Variants in SMURF2 observed in about 807,000 individuals in gnomAD.
SMURF2 encodes E3 ubiquitin-protein ligase SMURF2.
SMURF2 carries 48 observed loss-of-function variants against 109.6 expected under a neutral mutation model. The observed-to-expected ratio is 0.44, with a 90% CI of 0.35 to 0.56. SMURF2 has a LOEUF of 0.56. SMURF2 is among the 20% of genes least tolerant of loss of function. The pLI is 0.01. For missense variants in SMURF2, 575 were observed against 909.0 expected, an observed-to-expected ratio of 0.63 and a Z score of 4.72; for synonymous variants, 288 against 317.1, an observed-to-expected ratio of 0.91 and a Z score of 0.97.
At chr17:64,609,198 A>G (rs954494368) in intron 1 of SMURF2, among the ~76,000 whole-genome samples, 1 of 152,220 alleles carries the variant, frequency 6.6e-6, no homozygotes. Context: ...CATACTGCCC[A>G]AAGTAATTTA....
At chr17:64,631,278 GGGGGAGAGAGAGAGAGAGAGAGA>G (rs1970338343) in intron 1 of SMURF2, among the ~76,000 whole-genome samples, 1 of 30,418 alleles carries the variant, frequency 3.3e-5, no homozygotes, top group East Asian at 9.4e-4. Flanking sequence ...GAGAGGGGGG[GGGGGAGAGAGAGAGAGAGAGAGA>G]GAGAGAGAGA....
intron 1 of SMURF2, among the ~76,000 whole-genome samples, chr17:64,644,430 G>GA (rs113026393): frequency 0.072 from 8,303 of 114,724 alleles, 327 homozygotes; most frequent in Admixed American, 0.17. Context: ...ACTAAAAATA[G>GA]AAAAAAAAAA....
At chr17:64,597,957 T>C (rs549095609) in intron 3 of SMURF2, among the ~76,000 whole-genome samples, 8 of 152,304 alleles carry the variant, frequency 5.3e-5, no homozygotes, top group Admixed American at 5.2e-4. Context: ...AAAAGCTTTA[T>C]TGTATCATTT....
intron 1 of SMURF2, among the ~76,000 whole-genome samples, chr17:64,634,214 A>G (rs1555691882): frequency 6.6e-6 from 1 of 152,186 alleles, no homozygotes; most frequent in Non-Finnish European, 1.5e-5. Context: ...TAAGTAATAC[A>G]AGGGGGCTGG....
intron 12 of SMURF2, 91 bp from the exon 13 acceptor site, chr17:64,557,813 T>A: frequency 3.0e-6 from 2 of 660,284 alleles, no homozygotes; most frequent in Non-Finnish European, 5.1e-6. Flanking sequence ...AGCAAATAAT[T>A]ATTTAAATTA....
At chr17:64,660,475 C>T (rs2144744510) in intron 1 of SMURF2, among the ~76,000 whole-genome samples, 1 of 152,304 alleles carries the variant, frequency 6.6e-6, no homozygotes, top group East Asian at 1.9e-4. Context: ...CTGCAATTTT[C>T]CCTAGGGAAA....
intron 10 of SMURF2, among the ~76,000 whole-genome samples, chr17:64,569,737 G>A (rs1369707677): frequency 2.0e-5 from 3 of 152,150 alleles, no homozygotes; most frequent in South Asian, 2.1e-4. Context: ...ATATATTGCC[G>A]GTAAAAGACT....
intron 1 of SMURF2, among the ~76,000 whole-genome samples, chr17:64,639,756 C>G (rs1970470100): frequency 6.6e-6 from 1 of 152,094 alleles, no homozygotes; most frequent in African/African-American, 2.4e-5. Context: ...AGACTATAAA[C>G]TCTAAGACTT....
At chr17:64,603,638 TG>T (rs1163974714) in intron 2 of SMURF2, among the ~76,000 whole-genome samples, 1 of 151,626 alleles carries the variant, frequency 6.6e-6, no homozygotes, top group Non-Finnish European at 1.5e-5. Flanking sequence ...ATAAAGTTAA[TG>T]GTAGAATCTA....
At chr17:64,596,887 C>G (rs184790346) in intron 3 of SMURF2, among the ~76,000 whole-genome samples, 4 of 152,130 alleles carry the variant, frequency 2.6e-5, no homozygotes, top group Non-Finnish European at 4.4e-5. Context: ...GATAACTAAA[C>G]AAATGGGAAA....
intron 1 of SMURF2, among the ~76,000 whole-genome samples, chr17:64,611,359 A>G (rs1280176221): frequency 6.6e-6 from 1 of 152,114 alleles, no homozygotes; most frequent in Non-Finnish European, 1.5e-5. Context: ...GGTTATGATG[A>G]TACCTAAATT....
chr17:64,634,480 C>G (rs1169228981), intron 1 of SMURF2, among the ~76,000 whole-genome samples: 1 of 152,176 alleles, frequency 6.6e-6, no homozygotes, highest in Non-Finnish European at 1.5e-5. Context: ...CTCAGAGATA[C>G]CTGGCACCTT....
At chr17:64,556,192 G>A (rs1156232590) in intron 13 of SMURF2, among the ~76,000 whole-genome samples, 194 bp from the exon 14 acceptor site, 3 of 152,154 alleles carry the variant, frequency 2.0e-5, no homozygotes, top group Admixed American at 2.0e-4. Context: ...ATATTACACA[G>A]GGTAATATGC....
At chr17:64,570,855 A>T (rs1489730385) in intron 10 of SMURF2, among the ~76,000 whole-genome samples, 1 of 152,116 alleles carries the variant, frequency 6.6e-6, no homozygotes, top group Admixed American at 6.5e-5. Flanking sequence ...ATCACAGCTC[A>T]CTGCAGCCAC....
rs1555683116 is a variant in SMURF2, at chr17:64,546,357, T to C, written c.2072-19A>G. On this transcript the variant is annotated intron_variant, in intron 17 of 18. Coordinates refer to ENST00000262435, the MANE Select transcript of SMURF2 (RefSeq NM_022739.4). ...GCAGCACCTGCAAATGAAGGAAATGTGGATGAAATCACTGCAGGTGCGTGC... is the reference window on the plus strand; with the variant it reads ...GCAGCACCTGCAAATGAAGGAAATGCGGATGAAATCACTGCAGGTGCGTGC... 2 of 1,611,882 alleles carry C rather than the reference T, an allele frequency of 1.2e-6. No individual in the cohort carries two copies. Among genetic ancestry groups the C allele is most frequent in the Non-Finnish European group, 8.5e-7 (1 of 1,178,286 alleles).
At chr17:64,617,644 C>T (rs1439325045) in intron 1 of SMURF2, among the ~76,000 whole-genome samples, 1 of 152,140 alleles carries the variant, frequency 6.6e-6, no homozygotes, top group Non-Finnish European at 1.5e-5. Flanking sequence ...CACCACCATG[C>T]CTTGCTAATG....
chr17:64,631,281 G>GGAGAGAGAGA (rs1468147317), intron 1 of SMURF2, among the ~76,000 whole-genome samples: 1 of 4,412 alleles, frequency 2.3e-4, no homozygotes, highest in African/African-American at 7.2e-4. Flanking sequence ...AGGGGGGGGG[G>GGAGAGAGAGA]GAGAGAGAGA....
At chr17:64,632,577 T>C (rs2144711441) in intron 1 of SMURF2, among the ~76,000 whole-genome samples, 1 of 152,362 alleles carries the variant, frequency 6.6e-6, no homozygotes, top group South Asian at 2.1e-4. Context: ...GTCAGCCTAT[T>C]TGACCTAAAA....
intron 1 of SMURF2, among the ~76,000 whole-genome samples, chr17:64,660,095 T>C (rs1341361434): frequency 7.2e-5 from 11 of 152,216 alleles, no homozygotes; most frequent in Admixed American, 3.9e-4. Flanking sequence ...TAATGTATCA[T>C]AGGCAGTACG....
Sources: allele counts gnomAD v4.1 joint callset (sites outside exome capture counted in the v4.1 genomes callset), GRCh38; gene constraint gnomAD v4.1.1; transcripts MANE v1.5; gene names NCBI Gene and HGNC (gene_info 2026-07-23, HGNC 2026-07-21).